The following PSMG1 variants were observed in gnomAD, a reference collection of about 807,000 sequenced individuals.
PSMG1 encodes the protein Down syndrome critical region gene 2.
A neutral mutation model predicts 37.2 loss-of-function variants in PSMG1; 23 were observed. That is an observed-to-expected ratio of 0.62 (90% CI 0.44 to 0.88). The LOEUF is 0.88. PSMG1 is among the 40% of genes least tolerant of loss of function. PSMG1 has a pLI of 0.00. For missense variants in PSMG1, 340 were observed against 344.2 expected (o/e 0.99, Z 0.10); for synonymous variants, 127 against 128.0 (o/e 0.99, Z 0.05).
intron 6 of PSMG1, 96 bp downstream of exon 6, chr21:39,177,339 C>A: frequency 8.3e-7 from 1 of 1,199,958 alleles, no homozygotes; most frequent in Non-Finnish European, 1.1e-6. Flanking sequence ...GATCTCCAAG[C>A]ATTGCTTAGG....
chr21:39,181,908 C>G, intron 1 of PSMG1, 30 bp from the exon 2 acceptor site: 1 of 1,488,912 alleles, frequency 6.7e-7, no homozygotes, highest in Non-Finnish European at 9.1e-7. Flanking sequence ...GAAACTAAAG[C>G]AACTTCAATA....
intron 3 of PSMG1, 51 bp from the exon 4 acceptor site, chr21:39,180,037 C>T (rs2146409441): frequency 1.9e-6 from 3 of 1,545,958 alleles, no homozygotes; most frequent in Non-Finnish European, 1.8e-6. Flanking sequence ...ATACACACCA[C>T]AAACTATCAC....
At chr21:39,179,147 G>A (rs904161347) in intron 4 of PSMG1, among the ~76,000 whole-genome samples, 6 of 152,094 alleles carry the variant, frequency 3.9e-5, no homozygotes, top group Admixed American at 3.3e-4. Context: ...ATGATTGGAG[G>A]CTCCTGAGGC....
chr21:39,180,588 A>G (rs972177722), intron 2 of PSMG1, 152 bp from the exon 3 acceptor site: 10 of 684,082 alleles, frequency 1.5e-5, no homozygotes, highest in African/African-American at 1.9e-5. Flanking sequence ...AGAAAAAGAA[A>G]CTGAGGCCCC....
chr21:39,183,076 C>G lies in PSMG1; in HGVS notation c.134+176G>C, dbSNP rs922216401. 14 of 793,120 alleles carry G rather than the reference C, an allele frequency of 1.8e-5. No individual in the cohort carries two copies. In the African/African-American group the frequency reaches 2.4e-4, roughly 14 times the overall value. The allele number at this position is 793,120 out of a possible 1,614,324, so 49.1% of individuals were successfully genotyped here. On this transcript the variant is annotated intron_variant, in intron 1 of 6. Coordinates refer to ENST00000331573, the MANE Select transcript of PSMG1 (RefSeq NM_003720.4). ...GAACCACACACACCTGGGGCTGGCG[C>G]CGCTGGACGCCGCGGCTTCACGGAG...
chr21:39,183,475 A>G (rs541864168), upstream of PSMG1: 25 of 1,433,982 alleles, frequency 1.7e-5, no homozygotes, highest in South Asian at 5.6e-5. Flanking sequence ...CGCGCGGGCA[A>G]TAAGTCCCGC....
rs1018204894 is a variant in PSMG1 at position 39,175,529 on chromosome 21, T to C, written c.*61A>G. 2 of 1,539,616 alleles carry C rather than the reference T, an allele frequency of 1.3e-6. No individual in the cohort carries two copies. The highest frequency in any genetic ancestry group is 2.4e-5 in the East Asian group (1 of 41,366). ...CCCCCAAAAGTAATCTACAAAAGAG[T>C]GCAGGCTGCTCCCCTTAAAGGAATG... On this transcript the variant is annotated 3_prime_UTR_variant, in exon 7 of 7. Coordinates refer to ENST00000331573, the MANE Select transcript of PSMG1 (RefSeq NM_003720.4).
At chr21:39,180,072 A>G (rs1329114180) in intron 3 of PSMG1, 86 bp from the exon 4 acceptor site, 4 of 1,385,296 alleles carry the variant, frequency 2.9e-6, no homozygotes, top group Non-Finnish European at 4.0e-6. Flanking sequence ...GTGAATGACA[A>G]CACTTAGGTA....
rs1313366467 is a variant in PSMG1 at position 39,180,378 on chromosome 21, T to G, written c.300A>C (p.Lys100Asn). The change falls in exon 3 of 7, where the codon AAA becomes AAC. Residue 100 changes from lysine to asparagine, a missense_variant. Coordinates refer to ENST00000331573, the MANE Select transcript of PSMG1 (RefSeq NM_003720.4). ...SGVWEEVGCA[K>N]LWNEWCRTTD... Reference sequence around the variant, plus strand: ...TTGTTCTACACCATTCATTCCAGAGTTTAGCACAACCAACTTCCTCCCAGA... The same window carrying G: ...TTGTTCTACACCATTCATTCCAGAGGTTAGCACAACCAACTTCCTCCCAGA... 3 of 1,611,450 alleles carry G rather than the reference T, an allele frequency of 1.9e-6. No homozygotes were observed. Among genetic ancestry groups the G allele is most frequent in the Admixed American group, 1.7e-5 (1 of 59,662 alleles).
At chr21:39,177,399 A>T in intron 6 of PSMG1, 36 bp downstream of exon 6, 1 of 1,522,486 alleles carries the variant, frequency 6.6e-7, no homozygotes, top group Non-Finnish European at 8.8e-7. Flanking sequence ...TGATTATAAC[A>T]ATGCAGCTAT....
intron 1 of PSMG1, among the ~76,000 whole-genome samples, chr21:39,182,295 C>A (rs1224982111): frequency 6.6e-6 from 1 of 152,152 alleles, no homozygotes; most frequent in Non-Finnish European, 1.5e-5. Flanking sequence ...GACACCACAA[C>A]GAAGCTATCA....
rs751396324 is a variant in PSMG1, at chr21:39,180,380, T to C, written c.298A>G (p.Lys100Glu). ...SGVWEEVGCA[K>E]LWNEWCRTTD... Reference sequence around the variant, plus strand: ...GTTCTACACCATTCATTCCAGAGTTTAGCACAACCAACTTCCTCCCAGACT... The same window carrying C: ...GTTCTACACCATTCATTCCAGAGTTCAGCACAACCAACTTCCTCCCAGACT... The change falls in exon 3 of 7, where the codon AAA becomes GAA. Residue 100 changes from lysine to glutamate, a missense_variant. By Grantham distance (56) the Lys-to-Glu change is moderately conservative. Transcript: ENST00000331573. 5 of 1,611,498 alleles carry C rather than the reference T, an allele frequency of 3.1e-6. No individual in the cohort carries two copies. In the East Asian group the frequency reaches 1.1e-4, roughly 36 times the overall value.
intron 5 of PSMG1, 45 bp downstream of exon 5, chr21:39,178,404 T>C (rs372062320): frequency 6.5e-7 from 1 of 1,536,506 alleles, no homozygotes; most frequent in African/African-American, 1.4e-5. Flanking sequence ...GTAGTATCAA[T>C]AAAGCAATAA....
rs1239080513 is a variant in PSMG1, at chr21:39,179,923, C to A, written c.456+1G>T. The stretch of plus-strand genomic sequence containing the variant: ...TTCACAGGTTTTCATTTCTCTCTTA[C>A]CTTTTCCAGCCACTGATACTGTTGA... On this transcript the variant is annotated splice_donor_variant, in intron 4 of 6. Transcript: ENST00000331573. LOFTEE classifies it high-confidence loss of function. 2 of 1,612,522 alleles carry A rather than the reference C, an allele frequency of 1.2e-6. No individual in the cohort carries two copies. Among genetic ancestry groups the A allele is most frequent in the African/African-American group, 1.3e-5 (1 of 75,050 alleles).
In PSMG1 at chr21:39,178,555, G is replaced by A. The variant is rs2030708063; in HGVS notation, c.549C>T (p.Ser183=). 1 of 1,614,098 alleles carries A rather than the reference G, an allele frequency of 6.2e-7. No homozygotes were observed. Among genetic ancestry groups the A allele is most frequent in the Non-Finnish European group, 8.5e-7 (1 of 1,179,970 alleles). Residue 183 remains serine, a synonymous_variant, in exon 5 of 7, where the codon AGC becomes AGT. Transcript: ENST00000331573. The part of the protein sequence containing the change: ...TDYKTSESTG[S]LPSPFLRALK... ...GGGCTCTCAGGAAAGGAGAAGGAAG[G>A]CTGCCGGTGGATTCTGAGGTTTTAT... is the stretch of plus-strand genomic sequence containing the variant.
chr21:39,182,510 T>C (rs1283553558), intron 1 of PSMG1, among the ~76,000 whole-genome samples: 1 of 152,170 alleles, frequency 6.6e-6, no homozygotes, highest in African/African-American at 2.4e-5. Flanking sequence ...AAAATGATAC[T>C]GGAAAATTAG....
chr21:39,178,371 A>C, intron 5 of PSMG1, 78 bp downstream of exon 5: 1 of 1,363,704 alleles, frequency 7.3e-7, no homozygotes. Flanking sequence ...AAACTACCTC[A>C]AAAAGACCTC....
chr21:39,175,420 T>C lies in PSMG1; in HGVS notation c.*170A>G, dbSNP rs2030590429. ...GAAAATGCTTGGCTTATTTTGGTTGTGAATAATACCACCATAAATAAGGAA... is the reference window on the plus strand; with the variant it reads ...GAAAATGCTTGGCTTATTTTGGTTGCGAATAATACCACCATAAATAAGGAA... On this transcript the variant is annotated 3_prime_UTR_variant, in exon 7 of 7. Transcript: ENST00000331573. The C allele has an allele frequency of 1.0e-5, 11 of 1,053,542 alleles. No individual in the cohort carries two copies. The highest frequency in any genetic ancestry group is 1.3e-5 in the Non-Finnish European group (11 of 819,636). 65.3% of individuals were successfully genotyped at this position (1,053,542 alleles called of 1,614,324 possible). A position where few individuals can be genotyped will look rare whatever the true frequency, so the allele number is the denominator to read the frequency against.
At chr21:39,178,697 G>T in intron 4 of PSMG1, 50 bp from the exon 5 acceptor site, 1 of 1,509,224 alleles carries the variant, frequency 6.6e-7, no homozygotes, top group Non-Finnish European at 9.0e-7. Flanking sequence ...TTTTGTTACA[G>T]AATGGAAACA....
Sources: gnomAD v4.1 joint callset for allele counts (sites outside exome capture counted in the v4.1 genomes callset) on GRCh38, gnomAD v4.1.1 for gene constraint, MANE v1.5 for transcripts, NCBI Gene and HGNC (gene_info 2026-07-23, HGNC 2026-07-21) for gene names.